BOLL: variants seen among roughly 807,000 people sequenced by gnomAD.
The protein encoded by BOLL is boule RNA binding protein.
BOLL carries 23 observed loss-of-function variants against 44.4 expected under a neutral mutation model. The observed-to-expected ratio is 0.52, with a 90% CI of 0.37 to 0.73. The LOEUF (loss-of-function observed/expected upper bound fraction) is 0.73, where lower values mean the gene tolerates loss of function less well. Ranked by LOEUF, BOLL falls within the 30% of genes least tolerant of loss-of-function variation. The pLI, the probability that BOLL is intolerant of heterozygous loss-of-function variation, is 0.00. For synonymous variants in BOLL, 97 were observed against 110.8 expected (o/e 0.88, Z 0.78); for missense variants, 287 against 338.3 (o/e 0.85, Z 1.19).
chr2:197,778,920 T>C, intron 3 of BOLL, 55 bp downstream of exon 3: 1 of 1,449,802 alleles, frequency 6.9e-7, no homozygotes, highest in Non-Finnish European at 9.5e-7. Flanking sequence ...CAAAACCTAG[T>C]CATCCAATGA....
chr2:197,779,913 C>G (rs1002201342), intron 2 of BOLL, among the ~76,000 whole-genome samples: 1 of 151,914 alleles, frequency 6.6e-6, no homozygotes, highest in Non-Finnish European at 1.5e-5. Context: ...AAAAGACATG[C>G]CTTAGTGCAG....
intron 7 of BOLL, chr2:197,758,936 A>G (rs1260611513): frequency 1.7e-5 from 26 of 1,535,228 alleles, no homozygotes; most frequent in African/African-American, 2.7e-5. Context: ...GGGGAGCAAA[A>G]CTGACCTCAT....
intron 6 of BOLL, among the ~76,000 whole-genome samples, chr2:197,770,494 A>G (rs1369733707): frequency 2.0e-5 from 3 of 152,174 alleles, no homozygotes; most frequent in Non-Finnish European, 4.4e-5. Context: ...AAATTGACAA[A>G]TGGGATCTAA....
intron 9 of BOLL, 119 bp from the exon 10 acceptor site, chr2:197,743,278 T>C (rs1470361662): frequency 3.4e-6 from 2 of 588,392 alleles, no homozygotes; most frequent in African/African-American, 3.8e-5. Flanking sequence ...TAAAAACACA[T>C]GCCCTTATGT....
chr2:197,771,198 G>C (rs1346549922), intron 6 of BOLL, among the ~76,000 whole-genome samples: 1 of 152,046 alleles, frequency 6.6e-6, no homozygotes, highest in African/African-American at 2.4e-5. Flanking sequence ...TGCTTTGCAG[G>C]GATATGGATG....
At chr2:197,778,711 G>C (rs1161510158) in intron 3 of BOLL, among the ~76,000 whole-genome samples, 2 of 151,588 alleles carry the variant, frequency 1.3e-5, no homozygotes, top group South Asian at 4.2e-4. Context: ...CTTACATTAA[G>C]TGCTTGCTGC....
chr2:197,776,990 A>G, intron 4 of BOLL, 69 bp downstream of exon 4: 1 of 1,235,036 alleles, frequency 8.1e-7, no homozygotes, highest in Non-Finnish European at 1.1e-6. Flanking sequence ...ATTGTATTTG[A>G]ACCCCGAAAA....
At chr2:197,784,650 G>A (rs913785215) in intron 1 of BOLL, 6 of 882,316 alleles carry the variant, frequency 6.8e-6, no homozygotes, top group Middle Eastern at 5.9e-4. Flanking sequence ...GGATGGTCTC[G>A]ATCTCCTGAC....
intron 6 of BOLL, among the ~76,000 whole-genome samples, 194 bp from the exon 7 acceptor site, chr2:197,766,797 G>T (rs774590940): frequency 6.6e-6 from 1 of 151,824 alleles, no homozygotes; most frequent in African/African-American, 2.4e-5. Flanking sequence ...CTACTTCTAC[G>T]TGGTTTCATT....
chr2:197,768,974 G>A (rs192884438), intron 6 of BOLL, among the ~76,000 whole-genome samples: 20 of 151,530 alleles, frequency 1.3e-4, no homozygotes, highest in African/African-American at 2.9e-4. Context: ...TTATTGATTC[G>A]TGATGTTGAA....
intron 7 of BOLL, among the ~76,000 whole-genome samples, chr2:197,765,461 A>G (rs996226112): frequency 6.6e-6 from 1 of 152,028 alleles, no homozygotes; most frequent in Admixed American, 6.6e-5. Flanking sequence ...ATAGTTTCAA[A>G]TAGCTAGGAG....
chr2:197,772,783 A>G (rs1183550880), intron 5 of BOLL, among the ~76,000 whole-genome samples: 1 of 152,040 alleles, frequency 6.6e-6, no homozygotes, highest in African/African-American at 2.4e-5. Flanking sequence ...TTAGGTCTTA[A>G]CCAGCAAGGT....
In BOLL at chr2:197,785,057, G is replaced by C. The variant is rs555126144; in HGVS notation, c.-17C>G. Reference sequence around the variant, plus strand: ...GACAGCAGGAACGGGCGGGCTAACCGTCGCAGTCACTGCCTCGGCGCTCCT... The same window carrying C: ...GACAGCAGGAACGGGCGGGCTAACCCTCGCAGTCACTGCCTCGGCGCTCCT... On this transcript the variant is annotated splice_region_variant and 5_prime_UTR_variant, in exon 1 of 11. Transcript: ENST00000392296. The surrounding 1 kb of genome is among the most constrained non-coding windows in gnomAD (Gnocchi z 6.7). 7.1e-6 allele frequency: 7 copies of C among 985,888 alleles called. No individual in the cohort carries two copies. Among genetic ancestry groups the C allele is most frequent in the Non-Finnish European group, 7.2e-6 (6 of 829,954 alleles). 61.1% of individuals were successfully genotyped at this position (985,888 alleles called of 1,614,324 possible).
intron 9 of BOLL, among the ~76,000 whole-genome samples, chr2:197,753,012 C>A (rs1688335002): frequency 6.6e-6 from 1 of 152,108 alleles, no homozygotes; most frequent in South Asian, 2.1e-4. Context: ...CATCTACAAC[C>A]ATCTGATCTT....
chr2:197,751,694 A>C (rs1186734653), intron 9 of BOLL, among the ~76,000 whole-genome samples: 1 of 152,214 alleles, frequency 6.6e-6, no homozygotes, highest in Admixed American at 6.5e-5. Context: ...AGACAGATTC[A>C]TAGCCGAATT....
chr2:197,781,823 G>C lies in BOLL; in HGVS notation c.28C>G (p.Pro10Ala), dbSNP rs754347465. Reference sequence around the variant, plus strand: ...AAAGGCACAGGTGACACAGGATTAGGGGATGGAGATAATGAATCTGTTTGC... The same window carrying C: ...AAAGGCACAGGTGACACAGGATTAGCGGATGGAGATAATGAATCTGTTTGC... MQTDSLSPS[P>A]NPVSPVPLNN... Residue 10 changes from proline to alanine, a missense_variant, in exon 2 of 11, where the codon CCT becomes GCT. By Grantham distance (27) the Pro-to-Ala change is conservative. Transcript: ENST00000392296. 6.2e-7 allele frequency: 1 copy of C among 1,605,382 alleles called. No homozygotes were observed. Among genetic ancestry groups the C allele is most frequent in the South Asian group, 1.1e-5 (1 of 89,758 alleles).
intron 6 of BOLL, among the ~76,000 whole-genome samples, chr2:197,769,683 CA>C (rs1689149203): frequency 6.6e-6 from 1 of 152,124 alleles, no homozygotes; most frequent in African/African-American, 2.4e-5. Context: ...GTGCAAAAAT[CA>C]CAAGCATTCC....
chr2:197,735,630 G>A (rs572077487), intron 10 of BOLL, among the ~76,000 whole-genome samples: 1 of 152,168 alleles, frequency 6.6e-6, no homozygotes, highest in African/African-American at 2.4e-5. Context: ...GTAGGTGAAG[G>A]ATATACAGAA....
chr2:197,732,136 C>T (rs1172072943), intron 10 of BOLL, among the ~76,000 whole-genome samples: 36 of 151,136 alleles, frequency 2.4e-4, no homozygotes, highest in African/African-American at 6.6e-4. Context: ...ATATCACCAC[C>T]GAGCCCACAG....
Sources: gnomAD v4.1 joint callset for allele counts (sites outside exome capture counted in the v4.1 genomes callset) on GRCh38, gnomAD v4.1.1 for gene constraint, Gnocchi (gnomAD v3.1) non-coding constraint, MANE v1.5 for transcripts, NCBI Gene and HGNC (gene_info 2026-07-23, HGNC 2026-07-21) for gene names.